The following RNGTT variants were observed in gnomAD, a reference collection of about 807,000 sequenced individuals.
The protein encoded by RNGTT is RNA guanylyltransferase and 5'-phosphatase.
A neutral mutation model predicts 79.3 loss-of-function variants in RNGTT; 33 were observed. That is an observed-to-expected ratio of 0.42 (90% CI 0.32 to 0.56). The LOEUF is 0.56. Ranked by LOEUF, RNGTT falls within the 20% of genes least tolerant of loss-of-function variation. The probability of loss-of-function intolerance (pLI) is 0.17; values close to 1 mark genes in which losing one functional copy is unlikely to be tolerated. For synonymous variants in RNGTT, 222 were observed against 235.9 expected (o/e 0.94, Z 0.54); for missense variants, 497 against 739.1 (o/e 0.67, Z 3.80).
intron 13 of RNGTT, among the ~76,000 whole-genome samples, chr6:88,697,982 GATAT>G (rs1184406617): frequency 1.3e-5 from 1 of 79,460 alleles, no homozygotes; most frequent in South Asian, 3.3e-4. Context: ...ACATATATAT[GATAT>G]ATATATGAAA....
Position 88,929,079 on chromosome 6 carries a change from A to G in RNGTT, c.279-6T>C. 6.2e-7 allele frequency: 1 copy of G among 1,607,060 alleles called. No individual in the cohort carries two copies. The highest frequency in any genetic ancestry group is 8.5e-7 in the Non-Finnish European group (1 of 1,176,504). On this transcript the variant is annotated splice_region_variant and splice_polypyrimidine_tract_variant and intron_variant, in intron 3 of 15. Transcript: ENST00000369485. ...TGGTAGGGCACTCACCATGTCTAGT[A>G]ATATAGAAAAAGTTTTTTTGAAAAA...
intron 13 of RNGTT, among the ~76,000 whole-genome samples, chr6:88,760,445 C>A (rs187872667): frequency 6.6e-6 from 1 of 152,056 alleles, no homozygotes; most frequent in Admixed American, 6.6e-5. Flanking sequence ...TGAAAGCCAA[C>A]GAAGCATTTG....
At chr6:88,748,271 A>G (rs988528741) in intron 13 of RNGTT, among the ~76,000 whole-genome samples, 2 of 152,230 alleles carry the variant, frequency 1.3e-5, no homozygotes, top group South Asian at 2.1e-4. Context: ...AACAGTAGCC[A>G]TAAGATGAGA....
At chr6:88,662,818 G>A (rs777700128) in intron 14 of RNGTT, among the ~76,000 whole-genome samples, 4 of 152,222 alleles carry the variant, frequency 2.6e-5, no homozygotes, top group Non-Finnish European at 4.4e-5. Flanking sequence ...GTTGAACACC[G>A]GGAAGGAATC....
chr6:88,957,031 T>A (rs541692388), intron 1 of RNGTT, among the ~76,000 whole-genome samples: 5 of 152,154 alleles, frequency 3.3e-5, no homozygotes, highest in Middle Eastern at 6.8e-3. Context: ...AGACTCTGTC[T>A]CAAAAATAAC....
intron 13 of RNGTT, among the ~76,000 whole-genome samples, chr6:88,762,726 G>A (rs1562239687): frequency 1.3e-5 from 2 of 152,240 alleles, no homozygotes; most frequent in Non-Finnish European, 2.9e-5. Flanking sequence ...GTAGTTTAAA[G>A]GACTTACATG....
intron 6 of RNGTT, among the ~76,000 whole-genome samples, chr6:88,896,489 T>A (rs1163822328): frequency 6.6e-6 from 1 of 152,062 alleles, no homozygotes; most frequent in Non-Finnish European, 1.5e-5. Context: ...AAATCAGGAA[T>A]CAGGAAGAGC....
At chr6:88,654,330 C>T (rs1773900222) in intron 14 of RNGTT, among the ~76,000 whole-genome samples, 1 of 152,156 alleles carries the variant, frequency 6.6e-6, no homozygotes, top group Non-Finnish European at 1.5e-5. Context: ...CATTATTCAA[C>T]GACTATGTCA....
At chr6:88,733,743 A>G (rs536374382) in intron 13 of RNGTT, among the ~76,000 whole-genome samples, 3 of 152,192 alleles carry the variant, frequency 2.0e-5, no homozygotes, top group African/African-American at 4.8e-5. Flanking sequence ...GTAAGAGTAC[A>G]TAACAAGAAT....
chr6:88,847,480 C>A (rs531929678), intron 10 of RNGTT, among the ~76,000 whole-genome samples: 1 of 151,924 alleles, frequency 6.6e-6, no homozygotes, highest in East Asian at 1.9e-4. Flanking sequence ...TTTGGTGATA[C>A]AAAATAAATA....
intron 13 of RNGTT, among the ~76,000 whole-genome samples, chr6:88,755,437 A>T (rs1777978190): frequency 6.6e-6 from 1 of 152,126 alleles, no homozygotes; most frequent in Non-Finnish European, 1.5e-5. Flanking sequence ...TCATGTCTGT[A>T]AGAGAAATTC....
intron 11 of RNGTT, among the ~76,000 whole-genome samples, chr6:88,824,569 A>T (rs1780594157): frequency 6.6e-6 from 1 of 152,170 alleles, no homozygotes; most frequent in African/African-American, 2.4e-5. Flanking sequence ...ACTAGCCACA[A>T]TTCAAGCACT....
At chr6:88,912,801 A>G (rs1208684678) in intron 4 of RNGTT, among the ~76,000 whole-genome samples, 1 of 152,202 alleles carries the variant, frequency 6.6e-6, no homozygotes, top group African/African-American at 2.4e-5. Context: ...GAAAATGAAT[A>G]AATTCCTGGA....
intron 14 of RNGTT, among the ~76,000 whole-genome samples, chr6:88,639,177 T>C (rs1401950805): frequency 1.3e-5 from 2 of 152,278 alleles, no homozygotes; most frequent in African/African-American, 2.4e-5. Flanking sequence ...TTTCTTCATC[T>C]ACACTGAGTC....
At chr6:88,786,306 C>T (rs1327695301) in intron 12 of RNGTT, among the ~76,000 whole-genome samples, 2 of 152,144 alleles carry the variant, frequency 1.3e-5, no homozygotes, top group Non-Finnish European at 2.9e-5. Context: ...CATAAATCTA[C>T]ACTAAAATCA....
intron 10 of RNGTT, 113 bp downstream of exon 10, chr6:88,849,642 C>T: frequency 1.1e-6 from 1 of 926,950 alleles, no homozygotes; most frequent in Non-Finnish European, 1.5e-6. Flanking sequence ...AGTGAGTAAC[C>T]TGAGTCACAA....
At chr6:88,908,710 T>G (rs534038996) in intron 4 of RNGTT, among the ~76,000 whole-genome samples, 14 of 152,216 alleles carry the variant, frequency 9.2e-5, no homozygotes, top group African/African-American at 2.6e-4. Context: ...ATAGGGCCCA[T>G]CCTCCAAGGC....
At chr6:88,780,251 G>A (rs565078414) in intron 12 of RNGTT, among the ~76,000 whole-genome samples, 1 of 151,926 alleles carries the variant, frequency 6.6e-6, no homozygotes, top group East Asian at 1.9e-4. Context: ...ATCTGTCTCA[G>A]GTACACTTAA....
At chr6:88,685,531 G>A (rs556575990) in intron 13 of RNGTT, among the ~76,000 whole-genome samples, 1 of 151,682 alleles carries the variant, frequency 6.6e-6, no homozygotes, top group South Asian at 2.1e-4. Context: ...GAGAGGAGAG[G>A]GGAGAAGGGG....
Sources: allele counts gnomAD v4.1 joint callset (sites outside exome capture counted in the v4.1 genomes callset), GRCh38; gene constraint gnomAD v4.1.1; transcripts MANE v1.5; gene names NCBI Gene and HGNC (gene_info 2026-07-23, HGNC 2026-07-21).